Variants in PDE7A observed in about 807,000 individuals in gnomAD.
The protein encoded by PDE7A is phosphodiesterase 7A, also known as high affinity 3',5'-cyclic-AMP phosphodiesterase 7A.
PDE7A carries 39 observed loss-of-function variants against 64.3 expected under a neutral mutation model. The ratio of observed to expected loss-of-function variants is 0.61; its 90% CI spans 0.47 to 0.79. The LOEUF (loss-of-function observed/expected upper bound fraction) is 0.79. PDE7A is among the 30% of genes least tolerant of loss of function. The probability of loss-of-function intolerance (pLI) is 0.00; values close to 1 mark genes in which losing one functional copy is unlikely to be tolerated. For missense variants in PDE7A, 470 were observed against 582.8 expected (o/e 0.81, Z 1.99); for synonymous variants, 203 against 206.8 (o/e 0.98, Z 0.16).
intron 1 of PDE7A, among the ~76,000 whole-genome samples, chr8:65,830,632 T>G (rs1010680334): frequency 6.6e-6 from 1 of 152,124 alleles, no homozygotes; most frequent in Non-Finnish European, 1.5e-5. Context: ...TTATTAAAAT[T>G]TGTAATTAAC....
chr8:65,839,234 G>A (rs1055434917), intron 1 of PDE7A, among the ~76,000 whole-genome samples: 2 of 148,446 alleles, frequency 1.3e-5, no homozygotes, highest in Admixed American at 6.7e-5. Context: ...AAAAAAAAAA[G>A]GGTTTTTTTT....
At position 65,723,602 on chromosome 8, in the gene PDE7A, A is replaced by T. The variant is rs1259081903; in HGVS notation, c.1182T>A (p.Tyr394Ter). ...CGCAAAGTGGACTCACACCCAAATG[A>T]TATTTTTTTTCTATATCTCCTATAA... ...FFHQGDIEKK[Y>*]HLGVSPLCDR... The change falls in exon 12 of 13, where the codon TAT becomes TAA. Residue 394 changes from tyrosine to a stop codon, truncating the protein, a stop_gained. Coordinates refer to ENST00000401827, the MANE Select transcript of PDE7A (RefSeq NM_001242318.3). LOFTEE classifies it high-confidence loss of function. The T allele has an allele frequency of 1.3e-6, 2 of 1,574,028 alleles. No homozygotes were observed. Among genetic ancestry groups the T allele is most frequent in the East Asian group, 2.3e-5 (1 of 43,344 alleles).
chr8:65,830,982 G>T (rs1222885397), intron 1 of PDE7A, among the ~76,000 whole-genome samples: 1 of 151,896 alleles, frequency 6.6e-6, no homozygotes, highest in African/African-American at 2.4e-5. Context: ...AATTAACTTT[G>T]TTCACATATT....
intron 1 of PDE7A, among the ~76,000 whole-genome samples, chr8:65,817,392 C>A (rs1481084277): frequency 6.6e-6 from 1 of 152,092 alleles, no homozygotes; most frequent in Non-Finnish European, 1.5e-5. Flanking sequence ...TCTTACATAA[C>A]CATGGTACGT....
At chr8:65,752,202 AT>A (rs1411670608) in intron 3 of PDE7A, among the ~76,000 whole-genome samples, 1 of 151,910 alleles carries the variant, frequency 6.6e-6, no homozygotes, top group Non-Finnish European at 1.5e-5. Context: ...ACCAGAGCAT[AT>A]TTTTTTCCTT....
chr8:65,799,492 C>T (rs1322555921), intron 1 of PDE7A, among the ~76,000 whole-genome samples: 3 of 152,132 alleles, frequency 2.0e-5, no homozygotes, highest in South Asian at 2.1e-4. Flanking sequence ...TGGATTAACA[C>T]AGCGGAAGAC....
intron 3 of PDE7A, among the ~76,000 whole-genome samples, chr8:65,749,107 C>T (rs1274022258): frequency 5.9e-5 from 9 of 152,136 alleles, no homozygotes; most frequent in Admixed American, 2.0e-4. Context: ...CTTGAAGAGG[C>T]GGGAAGCACC....
chr8:65,768,008 G>C (rs942999804), intron 3 of PDE7A, among the ~76,000 whole-genome samples: 1 of 152,074 alleles, frequency 6.6e-6, no homozygotes, highest in Non-Finnish European at 1.5e-5. Context: ...CCCTTAACCT[G>C]TGGGGTCTGA....
chr8:65,791,275 T>C lies in PDE7A; in HGVS notation c.139-8432A>G, dbSNP rs550964744. Among the ~76,000 whole-genome samples, 24 of 152,342 alleles carry C rather than the reference T, an allele frequency of 1.6e-4. No individual in the cohort carries two copies. In the South Asian group the frequency reaches 5.0e-3, roughly 32 times the overall value. ...GCTTGAAGTTCAGAGCCTAGATTTATTTCCCAGCTTTACTGCCATGGGCAA... is the reference window on the plus strand; with the variant it reads ...GCTTGAAGTTCAGAGCCTAGATTTACTTCCCAGCTTTACTGCCATGGGCAA... On this transcript the variant is annotated intron_variant, in intron 1 of 12. Coordinates refer to ENST00000401827, the MANE Select transcript of PDE7A (RefSeq NM_001242318.3).
chr8:65,793,485 A>T (rs763969916), intron 1 of PDE7A, among the ~76,000 whole-genome samples: 22 of 41,116 alleles, frequency 5.4e-4, no homozygotes, highest in Non-Finnish European at 9.5e-4. Flanking sequence ...AAAGTTTCCT[A>T]AAAAAAAAAA....
rs575537157 is a variant in PDE7A, at chr8:65,800,593, GC to G, written c.139-17751del. ...TAGCACTCTGCAGTAAACACCTATT[GC>G]TGTGTTCCTCTGTGTGGGTATTTGG... On this transcript the variant is annotated intron_variant, in intron 1 of 12. Transcript: ENST00000401827. Among the ~76,000 whole-genome samples the G allele has an allele frequency of 4.0e-4, 61 of 152,242 alleles. No individual in the cohort carries two copies. The Middle Eastern group carries it at 0.017, about 42-fold the overall frequency.
intron 3 of PDE7A, among the ~76,000 whole-genome samples, chr8:65,778,545 A>C (rs933546466): frequency 1.3e-5 from 2 of 152,210 alleles, no homozygotes; most frequent in African/African-American, 4.8e-5. Flanking sequence ...ACCCTGACTG[A>C]ATTCCTGATT....
At position 65,726,915 on chromosome 8, in the gene PDE7A, T is replaced by C; in HGVS notation, c.880A>G (p.Arg294Gly). ...AGATGTGAGAATAAGCCTGATTCTC[T>C]CAATAAGCCCACTGCAGATCTCCAG... ...HHWRSAVGLLRESGLFSHLPL... is the reference protein window; with the variant it reads ...HHWRSAVGLLGESGLFSHLPL... The change falls in exon 9 of 13, where the codon AGA (arginine) becomes GGA (glycine). Residue 294 changes from arginine (R) to glycine (G), a missense_variant. Coordinates refer to ENST00000401827, the MANE Select transcript of PDE7A (RefSeq NM_001242318.3). 1 of 1,608,578 alleles carries C rather than the reference T, an allele frequency of 6.2e-7. No homozygotes were observed. The highest frequency in any genetic ancestry group is 1.1e-5 in the South Asian group (1 of 90,822).
At chr8:65,760,773 T>C (rs1422865315) in intron 3 of PDE7A, among the ~76,000 whole-genome samples, 2 of 152,160 alleles carry the variant, frequency 1.3e-5, no homozygotes, top group Admixed American at 1.3e-4. Flanking sequence ...CCTAGACTCC[T>C]ATTATGGGGA....
At chr8:65,746,579 C>G (rs1317555264) in intron 4 of PDE7A, among the ~76,000 whole-genome samples, 5 of 152,050 alleles carry the variant, frequency 3.3e-5, no homozygotes, top group African/African-American at 1.2e-4. Flanking sequence ...TAACCTGAAC[C>G]TTTTGTGGAC....
At chr8:65,751,268 C>T (rs1036637800) in intron 3 of PDE7A, among the ~76,000 whole-genome samples, 24 of 152,158 alleles carry the variant, frequency 1.6e-4, no homozygotes, top group African/African-American at 5.8e-4. Flanking sequence ...AGGACCAGAA[C>T]TTTCGGGGGA....
At chr8:65,821,517 G>A (rs768255223) in intron 1 of PDE7A, among the ~76,000 whole-genome samples, 13 of 152,170 alleles carry the variant, frequency 8.5e-5, no homozygotes, top group Middle Eastern at 6.8e-3. Context: ...ATTCCCCAAC[G>A]ATTAAACTTA....
intron 1 of PDE7A, among the ~76,000 whole-genome samples, chr8:65,804,816 G>A (rs775256139): frequency 1.3e-5 from 2 of 151,918 alleles, no homozygotes; most frequent in Non-Finnish European, 2.9e-5. Context: ...TGGGATTATA[G>A]GCATAAGCCA....
intron 1 of PDE7A, among the ~76,000 whole-genome samples, chr8:65,804,540 CTTTTT>C (rs762379703): frequency 2.7e-5 from 3 of 113,042 alleles, no homozygotes; most frequent in Non-Finnish European, 3.9e-5. Flanking sequence ...CATTTTGTTG[CTTTTT>C]TTTTTTTTTT....
Sources: gnomAD v4.1 joint callset for allele counts (sites outside exome capture counted in the v4.1 genomes callset) on GRCh38, gnomAD v4.1.1 for gene constraint, MANE v1.5 for transcripts, NCBI Gene and HGNC (gene_info 2026-07-23, HGNC 2026-07-21) for gene names.